Variants in RTN1 observed in about 807,000 individuals in gnomAD.
RTN1 encodes the protein reticulon-1.
RTN1 carries 25 observed loss-of-function variants against 65.5 expected under a neutral mutation model. The observed-to-expected ratio is 0.38, with a 90% CI of 0.28 to 0.53. RTN1 has a LOEUF of 0.53. RTN1 is among the 20% of genes least tolerant of loss of function. The pLI, the probability that RTN1 is intolerant of heterozygous loss-of-function variation, is 0.79. For synonymous variants in RTN1, 471 were observed against 447.6 expected, an observed-to-expected ratio of 1.05 and a Z score of -0.66; for missense variants, 983 against 1,025.4, an observed-to-expected ratio of 0.96 and a Z score of 0.57.
Position 59,672,698 on chromosome 14 carries a change from TG to T in RTN1, c.1765+54220del, listed in dbSNP as rs1300219150. The stretch of plus-strand genomic sequence containing the variant: ...GCCCAGGCCGGACTGCGGACTGCAG[TG>T]GCGCAATCTCGGCTCACTGCAAGCT... On this transcript the variant is annotated intron_variant, in intron 3 of 8. Transcript: ENST00000267484. Among the ~76,000 whole-genome samples, 3 of 134,286 alleles carry T rather than the reference TG, an allele frequency of 2.2e-5. No homozygotes were observed. The East Asian group carries it at 7.1e-4, about 32-fold the overall frequency. 88.1% of individuals were successfully genotyped at this position (134,286 alleles called of 152,430 possible).
intron 1 of RTN1, among the ~76,000 whole-genome samples, chr14:59,862,260 C>T (rs1887724074): frequency 6.6e-6 from 1 of 152,176 alleles, no homozygotes; most frequent in South Asian, 2.1e-4. Context: ...CATTATGTCC[C>T]TTCCTAAAGA....
intron 3 of RTN1, among the ~76,000 whole-genome samples, chr14:59,631,093 G>A (rs1311016653): frequency 6.6e-6 from 1 of 152,164 alleles, no homozygotes; most frequent in African/African-American, 2.4e-5. Flanking sequence ...TTAAAAATCT[G>A]AACTCGATGA....
intron 1 of RTN1, among the ~76,000 whole-genome samples, chr14:59,788,030 T>G (rs1886283917): frequency 6.6e-6 from 1 of 152,206 alleles, no homozygotes; most frequent in Admixed American, 6.5e-5. Context: ...TTTGAGCTCT[T>G]CACATTTACA....
chr14:59,607,626 A>G, intron 3 of RTN1, 134 bp from the exon 4 acceptor site: 1 of 728,620 alleles, frequency 1.4e-6, no homozygotes. Flanking sequence ...AAGTGAGCAG[A>G]CAGATGGCTG....
chr14:59,629,128 A>G (rs1882477725), intron 3 of RTN1, among the ~76,000 whole-genome samples: 1 of 152,212 alleles, frequency 6.6e-6, no homozygotes, highest in Non-Finnish European at 1.5e-5. Context: ...TCTTCAAAAC[A>G]TTGTGCCTCA....
At chr14:59,760,988 C>T (rs536839003) in intron 1 of RTN1, among the ~76,000 whole-genome samples, 4 of 152,212 alleles carry the variant, frequency 2.6e-5, no homozygotes, top group Non-Finnish European at 4.4e-5. Flanking sequence ...GTTCTGAGTC[C>T]CTTGACTTAC....
chr14:59,670,649 A>G (rs199908263), intron 3 of RTN1, among the ~76,000 whole-genome samples: 1 of 55,286 alleles, frequency 1.8e-5, no homozygotes, highest in African/African-American at 1.0e-4. Flanking sequence ...ATCTCCTTCA[A>G]CTATATGTGT....
At chr14:59,664,967 T>C (rs533411417) in intron 3 of RTN1, among the ~76,000 whole-genome samples, 30 of 152,310 alleles carry the variant, frequency 2.0e-4, no homozygotes, top group Middle Eastern at 3.4e-3. Context: ...AATGAATGAG[T>C]GATCCAGTAT....
chr14:59,718,646 T>C (rs550080358), intron 3 of RTN1, among the ~76,000 whole-genome samples: 5 of 152,142 alleles, frequency 3.3e-5, no homozygotes, highest in Admixed American at 1.3e-4. Flanking sequence ...GCCAGGAAAA[T>C]ATGCTAGATA....
At chr14:59,805,583 C>T (rs1886621229) in intron 1 of RTN1, among the ~76,000 whole-genome samples, 1 of 152,150 alleles carries the variant, frequency 6.6e-6, no homozygotes, top group South Asian at 2.1e-4. Context: ...TTAATAATTA[C>T]ACACATAAAA....
rs1338246713 is a variant in RTN1, at chr14:59,849,087, A to T, written c.241+21303T>A. Among the ~76,000 whole-genome samples, 3 of 152,202 alleles carry T rather than the reference A, an allele frequency of 2.0e-5. No individual in the cohort carries two copies. The highest frequency in any genetic ancestry group is 4.4e-5 in the Non-Finnish European group (3 of 68,044). On this transcript the variant is annotated intron_variant, in intron 1 of 8. Transcript: ENST00000267484. This position sits in a 1 kb window ranked among gnomAD's most constrained non-coding sequence, Gnocchi z 4.5. ...AAGACTCCTTTTCTATATGTAGTTT[A>T]TGGCCTTGGTTGGAAACAATAGAAT...
chr14:59,789,185 C>T (rs1232907884), intron 1 of RTN1, among the ~76,000 whole-genome samples: 2 of 151,818 alleles, frequency 1.3e-5, no homozygotes, highest in Admixed American at 1.3e-4. Context: ...TTGATTCTCT[C>T]AAGTTTTCTT....
intron 1 of RTN1, among the ~76,000 whole-genome samples, chr14:59,869,003 AATT>A (rs1201254837): frequency 6.6e-6 from 1 of 152,136 alleles, no homozygotes; most frequent in Non-Finnish European, 1.5e-5. Flanking sequence ...GGGATATAAT[AATT>A]AATATATAAC....
intron 1 of RTN1, among the ~76,000 whole-genome samples, chr14:59,852,114 A>G (rs1887519713): frequency 6.6e-6 from 1 of 152,162 alleles, no homozygotes; most frequent in Admixed American, 6.5e-5. Flanking sequence ...TGTATTATCT[A>G]TAATAAAAGG....
chr14:59,763,319 A>G (rs1885785132), intron 1 of RTN1, among the ~76,000 whole-genome samples: 1 of 152,110 alleles, frequency 6.6e-6, no homozygotes, highest in South Asian at 2.1e-4. Flanking sequence ...GACGAGGTAA[A>G]CTCTGTGTTT....
chr14:59,772,789 T>C (rs571666288), intron 1 of RTN1, among the ~76,000 whole-genome samples: 2 of 147,592 alleles, frequency 1.4e-5, no homozygotes, highest in East Asian at 3.9e-4. Flanking sequence ...AATAAAATCA[T>C]GACTAGTCAA....
At chr14:59,644,730 A>G (rs1296815373) in intron 3 of RTN1, among the ~76,000 whole-genome samples, 1 of 152,144 alleles carries the variant, frequency 6.6e-6, no homozygotes, top group Non-Finnish European at 1.5e-5. Flanking sequence ...CCTGAGATGG[A>G]GCTCCCAGAG....
chr14:59,822,412 T>TA, intron 1 of RTN1, among the ~76,000 whole-genome samples: 1 of 152,334 alleles, frequency 6.6e-6, no homozygotes, highest in East Asian at 1.9e-4. Context: ...TGTTCTTTAT[T>TA]AATCTGGCTA....
rs989538447 is a variant in RTN1 at position 59,849,659 on chromosome 14, T to C, written c.241+20731A>G. ...TGTACAGAACCCCAAGAATGGCTCC[T>C]ACTCCTGAGCCCCAGTGGCCTGCTG... is the stretch of plus-strand genomic sequence containing the variant. On this transcript the variant is annotated intron_variant, in intron 1 of 8. Coordinates refer to ENST00000267484, the MANE Select transcript of RTN1 (RefSeq NM_021136.3). This position sits in a 1 kb window ranked among gnomAD's most constrained non-coding sequence, Gnocchi z 4.5. 1.3e-5 allele frequency among the ~76,000 whole-genome samples: 2 copies of C among 152,176 alleles called. No individual in the cohort carries two copies. Among genetic ancestry groups the C allele is most frequent in the African/African-American group, 4.8e-5 (2 of 41,456 alleles).
Sources: gnomAD v4.1 joint callset for allele counts (sites outside exome capture counted in the v4.1 genomes callset) on GRCh38, gnomAD v4.1.1 for gene constraint, Gnocchi (gnomAD v3.1) non-coding constraint, MANE v1.5 for transcripts, NCBI Gene and HGNC (gene_info 2026-07-23, HGNC 2026-07-21) for gene names.